UPB1: variants seen among roughly 807,000 people sequenced by gnomAD.
The protein encoded by UPB1 is beta-ureidopropionase.
In UPB1, 40 loss-of-function variants were observed where a neutral mutation model predicts 49.1. The ratio of observed to expected loss-of-function variants is 0.81; its 90% CI spans 0.63 to 1.06. The LOEUF is 1.06. Among genes scored for constraint, UPB1 ranks in the 50% least tolerant of loss-of-function variants. UPB1 has a pLI of 0.00. For synonymous variants in UPB1, 207 were observed against 198.2 expected (o/e 1.04, Z -0.38); for missense variants, 499 against 505.9 (o/e 0.99, Z 0.13).
chr22:24,502,799 G>T (rs2044017911), intron 3 of UPB1: 2 of 453,892 alleles, frequency 4.4e-6, no homozygotes, highest in Non-Finnish European at 7.9e-6. Flanking sequence ...TCCCCCTATG[G>T]AAGATGTCAG....
At chr22:24,508,173 C>T (rs570562124) in intron 3 of UPB1, among the ~76,000 whole-genome samples, 18 of 152,326 alleles carry the variant, frequency 1.2e-4, no homozygotes, top group Non-Finnish European at 2.4e-4. Flanking sequence ...TCACATCACA[C>T]AGCTTCCTGC....
At chr22:24,510,623 C>T (rs1469175105) in intron 3 of UPB1, 126 bp from the exon 4 acceptor site, 2 of 1,032,438 alleles carry the variant, frequency 1.9e-6, no homozygotes, top group Non-Finnish European at 3.0e-6. Flanking sequence ...GAACAGGACC[C>T]AGAAGCCAGG....
chr22:24,506,092 C>G (rs1229290201), intron 3 of UPB1, among the ~76,000 whole-genome samples: 1 of 150,012 alleles, frequency 6.7e-6, no homozygotes, highest in Admixed American at 6.7e-5. Context: ...GCATTCTCAG[C>G]TCACTGCAAC....
chr22:24,497,511 C>A (rs2043914137), intron 1 of UPB1, among the ~76,000 whole-genome samples: 1 of 152,136 alleles, frequency 6.6e-6, no homozygotes, highest in South Asian at 2.1e-4. Flanking sequence ...GTCTGCCTGA[C>A]CCTGGGTGGG....
chr22:24,495,337 C>T lies in UPB1; in HGVS notation c.-67C>T, dbSNP rs987722287. ...AAGGGCGCCTGACCGGGCCTGGGCA[C>T]CTCCTCCCACTGCGGGCAAAGGGCA... On this transcript the variant is annotated 5_prime_UTR_variant, in exon 1 of 10. Coordinates refer to ENST00000326010, the MANE Select transcript of UPB1 (RefSeq NM_016327.3). 6 of 1,564,756 alleles carry T rather than the reference C, an allele frequency of 3.8e-6. No individual in the cohort carries two copies. Among genetic ancestry groups the T allele is most frequent in the African/African-American group, 1.4e-5 (1 of 74,066 alleles).
chr22:24,516,945 C>T (rs556522842), intron 6 of UPB1, among the ~76,000 whole-genome samples: 5 of 152,290 alleles, frequency 3.3e-5, no homozygotes, highest in Admixed American at 6.5e-5. Context: ...AGGATGGTCT[C>T]GATCTCCTGA....
intron 5 of UPB1, 27 bp from the exon 6 acceptor site, chr22:24,515,174 A>G: frequency 1.9e-6 from 3 of 1,613,970 alleles, no homozygotes; most frequent in Non-Finnish European, 1.7e-6. Context: ...GGTCAGAGGC[A>G]TCAGTATATG....
At chr22:24,509,476 A>G (rs2044157649) in intron 3 of UPB1, among the ~76,000 whole-genome samples, 1 of 151,456 alleles carries the variant, frequency 6.6e-6, no homozygotes, top group African/African-American at 2.4e-5. Flanking sequence ...TGAGAATAAG[A>G]GCATTAATCC....
At chr22:24,497,864 G>A (rs1423614235) in intron 1 of UPB1, among the ~76,000 whole-genome samples, 1 of 152,152 alleles carries the variant, frequency 6.6e-6, no homozygotes, top group Non-Finnish European at 1.5e-5. Context: ...AGGTCTGTGG[G>A]CCTGGTAGCT....
In UPB1 at chr22:24,500,099, C is replaced by A; in HGVS notation, c.105-8C>A. 4.3e-6 allele frequency: 7 copies of A among 1,614,006 alleles called. No homozygotes were observed. Among genetic ancestry groups the A allele is most frequent in the African/African-American group, 1.3e-5 (1 of 75,010 alleles). ...AATCCCCTTCCCTCTTTTTTCCTGC[C>A]CATCTAGGAAGCTTGATCTGCCCAG... is the stretch of plus-strand genomic sequence containing the variant. On this transcript the variant is annotated splice_polypyrimidine_tract_variant and splice_region_variant and intron_variant, in intron 1 of 9. Coordinates refer to ENST00000326010, the MANE Select transcript of UPB1 (RefSeq NM_016327.3).
At chr22:24,525,678 A>G in intron 9 of UPB1, 33 bp from the exon 10 acceptor site, 1 of 1,613,798 alleles carries the variant, frequency 6.2e-7, no homozygotes, top group Non-Finnish European at 8.5e-7. Flanking sequence ...ATAAAACCAG[A>G]ACCTCTAAAG....
Position 24,496,384 on chromosome 22 carries a change from CACACACACACACACACACAT to C in UPB1, c.104+897_104+916del, listed in dbSNP as rs1401552960. Among the ~76,000 whole-genome samples the C allele has an allele frequency of 2.6e-3, 357 of 136,752 alleles. 1 individual carries two copies. Among genetic ancestry groups the C allele is most frequent in the South Asian group, 9.4e-3 (41 of 4,364 alleles). The allele number at this position is 136,752 out of a possible 152,430, so 89.7% of individuals were successfully genotyped here. On this transcript the variant is annotated intron_variant, in intron 1 of 9. Transcript: ENST00000326010. ...AGGCCCTGTCTCAAACACACACACA[CACACACACACACACACACAT>C]ACACACACACACACACACACACGTC...
chr22:24,513,858 G>C (rs569759288), intron 5 of UPB1, among the ~76,000 whole-genome samples: 1 of 152,314 alleles, frequency 6.6e-6, no homozygotes, highest in African/African-American at 2.4e-5. Flanking sequence ...CAGGCTCAGA[G>C]CCTAGCACGC....
At chr22:24,502,360 C>A in intron 3 of UPB1, 147 bp downstream of exon 3, 1 of 877,224 alleles carries the variant, frequency 1.1e-6, no homozygotes. Context: ...TCACCAGGAA[C>A]CCCGGCCTCC....
chr22:24,523,049 G>A (rs867541708), intron 8 of UPB1, among the ~76,000 whole-genome samples: 6 of 151,052 alleles, frequency 4.0e-5, no homozygotes, highest in East Asian at 3.9e-4. Flanking sequence ...CAGGTCCCCC[G>A]ACTTCTAGAG....
At chr22:24,523,516 C>A in intron 8 of UPB1, 103 bp from the exon 9 acceptor site, 1 of 1,535,920 alleles carries the variant, frequency 6.5e-7, no homozygotes, top group Non-Finnish European at 8.9e-7. Context: ...GGGAGGATGG[C>A]ATGGACTCCG....
intron 1 of UPB1, among the ~76,000 whole-genome samples, chr22:24,496,856 C>G (rs1238443093): frequency 6.6e-6 from 1 of 152,138 alleles, no homozygotes; most frequent in Non-Finnish European, 1.5e-5. Flanking sequence ...CGGGTGAGGA[C>G]AGCAGGAAGT....
chr22:24,502,400 T>G (rs1164716502), intron 3 of UPB1, 187 bp downstream of exon 3: 1 of 791,752 alleles, frequency 1.3e-6, no homozygotes, highest in East Asian at 2.4e-5. Flanking sequence ...TGTTGTCTGA[T>G]TCCTTCAGTT....
chr22:24,512,255 G>A (rs1178334389), intron 4 of UPB1, among the ~76,000 whole-genome samples: 1 of 152,218 alleles, frequency 6.6e-6, no homozygotes, highest in African/African-American at 2.4e-5. Flanking sequence ...GAGGAAGAGT[G>A]TGAAAGAGAG....
Sources: allele counts gnomAD v4.1 joint callset (sites outside exome capture counted in the v4.1 genomes callset), GRCh38; gene constraint gnomAD v4.1.1; transcripts MANE v1.5; gene names NCBI Gene and HGNC (gene_info 2026-07-23, HGNC 2026-07-21).